TUB: variants seen among roughly 807,000 people sequenced by gnomAD.
The protein encoded by TUB is tubby protein homolog.
A neutral mutation model predicts 59.7 loss-of-function variants in TUB; 33 were observed. The observed-to-expected ratio is 0.55, with a 90% confidence interval of 0.42 to 0.74. The LOEUF (loss-of-function observed/expected upper bound fraction) is 0.74. Among genes scored for constraint, TUB ranks in the 30% least tolerant of loss-of-function variants. TUB has a pLI of 0.00. For synonymous variants in TUB, 293 were observed against 256.4 expected (o/e 1.14, Z -1.36); for missense variants, 659 against 672.0 (o/e 0.98, Z 0.21).
intron 1 of TUB, among the ~76,000 whole-genome samples, chr11:8,032,258 G>A (rs778957194): frequency 6.6e-6 from 1 of 152,118 alleles, no homozygotes; most frequent in African/African-American, 2.4e-5. Flanking sequence ...CACCACAAGT[G>A]CCGCCCCCAC....
rs766820558 is a variant in TUB at position 8,097,450 on chromosome 11, C to T, written c.885+25C>T. 1.9e-6 allele frequency: 3 copies of T among 1,614,002 alleles called. No homozygotes were observed. The Admixed American group carries it at 5.0e-5, about 27-fold the overall frequency. On this transcript the variant is annotated intron_variant, in intron 7 of 11. Transcript: ENST00000299506. ...GGTAAGGTTGGTCTGGGCATGTTAT[C>T]ATCTAGGCTTTACAGCCCTTTGAAA...
intron 2 of TUB, among the ~76,000 whole-genome samples, chr11:8,065,664 A>G (rs1230597599): frequency 6.6e-6 from 1 of 152,134 alleles, no homozygotes; most frequent in Admixed American, 6.5e-5. Flanking sequence ...ACTCTAGACG[A>G]GGTGGAGGGT....
Position 8,097,842 on chromosome 11 carries a change from C to A in TUB, c.998+16C>A. 1.2e-6 allele frequency: 2 copies of A among 1,603,778 alleles called. No individual in the cohort carries two copies. Among genetic ancestry groups the A allele is most frequent in the Non-Finnish European group, 8.5e-7 (1 of 1,171,476 alleles). Reference sequence around the variant, plus strand: ...GGAAACTGCGGTACTAGCATTCCCCCAGGAAGCAGGCGGGAGTGGGAGGGA... The same window carrying A: ...GGAAACTGCGGTACTAGCATTCCCCAAGGAAGCAGGCGGGAGTGGGAGGGA... On this transcript the variant is annotated intron_variant, in intron 8 of 11. Transcript: ENST00000299506.
chr11:8,041,851 C>T (rs892391725), intron 2 of TUB, among the ~76,000 whole-genome samples: 1 of 152,154 alleles, frequency 6.6e-6, no homozygotes, highest in African/African-American at 2.4e-5. Context: ...GGAATTCCTT[C>T]GTGAATTGAC....
chr11:8,030,406 T>C (rs1205509691), intron 1 of TUB, among the ~76,000 whole-genome samples: 1 of 152,144 alleles, frequency 6.6e-6, no homozygotes, highest in East Asian at 1.9e-4. Context: ...CAGCATGTGC[T>C]TGGGGGAGAT....
At chr11:8,069,873 C>A (rs919046788) in intron 2 of TUB, among the ~76,000 whole-genome samples, 21 of 151,960 alleles carry the variant, frequency 1.4e-4, no homozygotes, top group African/African-American at 4.8e-4. Flanking sequence ...TTGAGAGAAA[C>A]AGGCAAAAAA....
chr11:8,026,878 C>G (rs957312794), intron 1 of TUB, among the ~76,000 whole-genome samples: 29 of 152,264 alleles, frequency 1.9e-4, no homozygotes, highest in African/African-American at 6.5e-4. Context: ...ATCGGGCCTT[C>G]CAATTCATGA....
chr11:8,073,808 G>C (rs73396784), intron 2 of TUB, among the ~76,000 whole-genome samples: 19,922 of 152,250 alleles, frequency 0.13, 1,631 homozygotes, highest in African/African-American at 0.23. Flanking sequence ...GCTGGGAACA[G>C]AACCTTCCCC....
At position 8,098,784 on chromosome 11, in the gene TUB, C is replaced by A. The variant is rs780644180; in HGVS notation, c.1025C>A (p.Thr342Asn). Residue 342 changes from threonine (T) to asparagine (N), a missense_variant, in exon 9 of 12, where the codon ACT becomes AAT. This residue lies in a region of TUB where 112 missense variants were observed against 156.9 expected (regional missense o/e 0.71). Transcript: ENST00000299506. ...LRSNLMGTKFTVYDNGVNPQK... is the reference protein window; with the variant it reads ...LRSNLMGTKFNVYDNGVNPQK... ...TCCAACTTGATGGGCACCAAGTTCACTGTTTATGACAATGGAGTCAACCCT... is the reference window on the plus strand; with the variant it reads ...TCCAACTTGATGGGCACCAAGTTCAATGTTTATGACAATGGAGTCAACCCT... 6.2e-7 allele frequency: 1 copy of A among 1,613,964 alleles called. No homozygotes were observed. Among genetic ancestry groups the A allele is most frequent in the Non-Finnish European group, 8.5e-7 (1 of 1,179,998 alleles).
chr11:8,066,519 C>G (rs1431101754), intron 2 of TUB, among the ~76,000 whole-genome samples: 1 of 152,218 alleles, frequency 6.6e-6, no homozygotes, highest in Non-Finnish European at 1.5e-5. Context: ...CTGGAGGCAG[C>G]AGGGCTGTAC....
chr11:8,038,054 C>G (rs1272931832), upstream of TUB, among the ~76,000 whole-genome samples: 1 of 152,062 alleles, frequency 6.6e-6, no homozygotes, highest in Non-Finnish European at 1.5e-5. Flanking sequence ...GGAAGGTGGA[C>G]AGGGAAAAGC....
At chr11:8,086,036 C>T (rs1943659264) in intron 1 of TUB, among the ~76,000 whole-genome samples, 1 of 152,150 alleles carries the variant, frequency 6.6e-6, no homozygotes, top group Non-Finnish European at 1.5e-5. Flanking sequence ...TCTCTGCCCT[C>T]ATGAGCCAGT....
chr11:8,081,834 T>C (rs1432645646), intron 1 of TUB, among the ~76,000 whole-genome samples: 2 of 152,184 alleles, frequency 1.3e-5, no homozygotes, highest in African/African-American at 2.4e-5. Flanking sequence ...GAGTCCACAC[T>C]GCTCTGAGCC....
chr11:8,048,227 A>G (rs1474529816), intron 2 of TUB, among the ~76,000 whole-genome samples: 2 of 152,204 alleles, frequency 1.3e-5, no homozygotes, highest in Non-Finnish European at 2.9e-5. Flanking sequence ...TGTGGAAGAA[A>G]AATTAGACAC....
intron 2 of TUB, among the ~76,000 whole-genome samples, chr11:8,074,308 A>G (rs1335411713): frequency 2.0e-5 from 3 of 152,274 alleles, no homozygotes; most frequent in African/African-American, 7.2e-5. Flanking sequence ...AAGCTGAGAC[A>G]CTGGACTGTG....
rs1224890024 is a variant in TUB at position 8,089,014 on chromosome 11, C to T, written c.39-596C>T. Among the ~76,000 whole-genome samples the T allele has an allele frequency of 2.0e-5, 3 of 152,310 alleles. 1 individual carries two copies. Among genetic ancestry groups the T allele is most frequent in the Admixed American group, 6.5e-5 (1 of 15,308 alleles). On this transcript the variant is annotated intron_variant, in intron 1 of 11. Coordinates refer to ENST00000299506, the MANE Select transcript of TUB (RefSeq NM_177972.3). Reference sequence around the variant, plus strand: ...GAGGGACTGGTTGGTCTCTTAGCTTCATTCTCTCAAATGAGAAGGAGGACC... The same window carrying T: ...GAGGGACTGGTTGGTCTCTTAGCTTTATTCTCTCAAATGAGAAGGAGGACC...
rs1383847314 is a variant in TUB at position 8,043,047 on chromosome 11, A to T, written c.203+3355A>T. On this transcript the variant is annotated intron_variant, in intron 2 of 12. Transcript: ENST00000305253. ...AAGATTTTTGCCTATGTTTTCTTCTAAGAGCTTTATAGTTTTGGCTCTTTC... is the reference window on the plus strand; with the variant it reads ...AAGATTTTTGCCTATGTTTTCTTCTTAGAGCTTTATAGTTTTGGCTCTTTC... Among the ~76,000 whole-genome samples the T allele has an allele frequency of 2.0e-5, 3 of 152,190 alleles. No homozygotes were observed. In the East Asian group the frequency reaches 5.8e-4, roughly 29 times the overall value.
intron 2 of TUB, among the ~76,000 whole-genome samples, chr11:8,074,603 G>T (rs1383780933): frequency 6.6e-6 from 1 of 151,724 alleles, no homozygotes; most frequent in East Asian, 2.0e-4. Context: ...GCCAGGTGTG[G>T]TGGTTCACAC....
intron 9 of TUB, among the ~76,000 whole-genome samples, chr11:8,099,232 C>T (rs908906697): frequency 6.6e-5 from 10 of 152,248 alleles, no homozygotes; most frequent in African/African-American, 2.4e-4. Context: ...TTACACGGCA[C>T]TTTGTCATCT....
Sources: allele counts gnomAD v4.1 joint callset (sites outside exome capture counted in the v4.1 genomes callset), GRCh38; gene constraint gnomAD v4.1.1; regional missense constraint gnomAD v4.1.1; transcripts MANE v1.5; gene names NCBI Gene and HGNC (gene_info 2026-07-23, HGNC 2026-07-21).